Variants in MAPK8IP3 observed in about 807,000 individuals in gnomAD.
MAPK8IP3 encodes C-Jun-amino-terminal kinase-interacting protein 3.
In MAPK8IP3, 49 loss-of-function variants were observed where a neutral mutation model predicts 157.8. The ratio of observed to expected loss-of-function variants is 0.31; its 90% CI spans 0.25 to 0.39. MAPK8IP3 has a LOEUF of 0.39. Ranked by LOEUF, MAPK8IP3 falls within the 10% of genes least tolerant of loss-of-function variation. MAPK8IP3 has a pLI of 1.00. For missense variants in MAPK8IP3, 1,478 were observed against 1,889.4 expected (o/e 0.78, Z 4.04); for synonymous variants, 897 against 777.7 (o/e 1.15, Z -2.55).
intron 4 of MAPK8IP3, among the ~76,000 whole-genome samples, chr16:1,730,044 CAAAAA>C (rs58933347): frequency 8.1e-4 from 38 of 46,980 alleles, no homozygotes; most frequent in African/African-American, 2.0e-3. Context: ...CTTGTCTCTA[CAAAAA>C]AAAAAAAAAA....
chr16:1,724,377 G>A lies in MAPK8IP3; in HGVS notation c.319-180G>A, dbSNP rs2038730030. ...CTCATGGCTCCTCACTGTGCCTGAG[G>A]AGGGTGGTGGCCACAGCCACGTGGC... On this transcript the variant is annotated intron_variant, in intron 1 of 31. Coordinates refer to ENST00000610761, the MANE Select transcript of MAPK8IP3 (RefSeq NM_001318852.2). The surrounding 1 kb of genome is among the most constrained non-coding windows in gnomAD (Gnocchi z 4.1). Among the ~76,000 whole-genome samples, 1 of 152,256 alleles carries A rather than the reference G, an allele frequency of 6.6e-6. No homozygotes were observed. Among genetic ancestry groups the A allele is most frequent in the African/African-American group, 2.4e-5 (1 of 41,476 alleles).
intron 8 of MAPK8IP3, among the ~76,000 whole-genome samples, chr16:1,749,274 C>G (rs150074348): frequency 5.3e-5 from 8 of 152,196 alleles, no homozygotes; most frequent in Non-Finnish European, 1.2e-4. Flanking sequence ...TAGAATGTTC[C>G]GCCATCCCTA....
rs377209297 is a variant in MAPK8IP3, at chr16:1,742,888, C to T, written c.603-444C>T. 7.2e-5 allele frequency among the ~76,000 whole-genome samples: 11 copies of T among 151,904 alleles called. No homozygotes were observed. Among genetic ancestry groups the T allele is most frequent in the African/African-American group, 1.2e-4 (5 of 41,332 alleles). On this transcript the variant is annotated intron_variant, in intron 4 of 31. Coordinates refer to ENST00000610761, the MANE Select transcript of MAPK8IP3 (RefSeq NM_001318852.2). This position sits in a 1 kb window ranked among gnomAD's most constrained non-coding sequence, Gnocchi z 5.0. ...CTGTAATCCCAGCACTGTGGGAGGCCGAGGCAGGCGGATCATCAGGTCAGG... is the reference window on the plus strand; with the variant it reads ...CTGTAATCCCAGCACTGTGGGAGGCTGAGGCAGGCGGATCATCAGGTCAGG...
At chr16:1,730,574 C>G (rs188160910) in intron 4 of MAPK8IP3, among the ~76,000 whole-genome samples, 1 of 151,644 alleles carries the variant, frequency 6.6e-6, no homozygotes, top group Non-Finnish European at 1.5e-5. Context: ...CCCATCTCTA[C>G]GAAACACTCC....
At chr16:1,739,260 CTG>C (rs1567172228) in intron 4 of MAPK8IP3, among the ~76,000 whole-genome samples, 11 of 93,570 alleles carry the variant, frequency 1.2e-4, no homozygotes, top group African/African-American at 5.1e-4. Flanking sequence ...ATGTGAGCAT[CTG>C]TGTGACCGTC....
chr16:1,724,899 CT>C lies in MAPK8IP3; in HGVS notation c.439+226del, dbSNP rs1343980264. Among the ~76,000 whole-genome samples the C allele has an allele frequency of 6.6e-6, 1 of 152,354 alleles. No individual in the cohort carries two copies. Among genetic ancestry groups the C allele is most frequent in the South Asian group, 2.1e-4 (1 of 4,828 alleles). The stretch of plus-strand genomic sequence containing the variant: ...ATCAGGCCACTGTGGCCCCATAGCA[CT>C]TTTGCTTCAGAGTGAATTCTGACCC... On this transcript the variant is annotated intron_variant, in intron 2 of 31. Transcript: ENST00000610761. The surrounding 1 kb of genome is among the most constrained non-coding windows in gnomAD (Gnocchi z 4.1).
chr16:1,711,227 G>A (rs1023807764), intron 1 of MAPK8IP3, among the ~76,000 whole-genome samples: 2 of 152,202 alleles, frequency 1.3e-5, no homozygotes, highest in Admixed American at 6.5e-5. Flanking sequence ...GTCTTCCCAC[G>A]CTGCTTTCTC....
At chr16:1,755,143 TACGAGCTC>T (rs1392143954) in intron 8 of MAPK8IP3, among the ~76,000 whole-genome samples, 17 of 152,304 alleles carry the variant, frequency 1.1e-4, no homozygotes, top group African/African-American at 3.1e-4. Flanking sequence ...AAACCTGTGA[TACGAGCTC>T]ATGAGCTCAG....
At chr16:1,752,506 G>T in intron 8 of MAPK8IP3, 1 of 362,568 alleles carries the variant, frequency 2.8e-6, no homozygotes, top group Non-Finnish European at 5.5e-6. Context: ...GCTTTGGGAG[G>T]CCAGGGCAGG....
intron 3 of MAPK8IP3, 120 bp from the exon 4 acceptor site, chr16:1,729,367 C>G: frequency 8.0e-7 from 1 of 1,252,580 alleles, no homozygotes; most frequent in Non-Finnish European, 1.1e-6. Context: ...GGTTAGATTC[C>G]CCTCCAGGAC....
chr16:1,767,983 G>A (rs2042374611), intron 28 of MAPK8IP3, 65 bp downstream of exon 28: 2 of 1,608,044 alleles, frequency 1.2e-6, no homozygotes, highest in Non-Finnish European at 1.7e-6. Context: ...TTCACGGGGT[G>A]GCTCTGCAGG....
In MAPK8IP3 at chr16:1,706,516, GGT is replaced by G; in HGVS notation, c.179_180del (p.Val60GlufsTer37). 1 of 1,614,112 alleles carries G rather than the reference GGT, an allele frequency of 6.2e-7. No individual in the cohort carries two copies. Among genetic ancestry groups the G allele is most frequent in the Non-Finnish European group, 8.5e-7 (1 of 1,180,002 alleles). ...TGGTCAAGGAGCTCATGCCGCTGGT[GGT>G]GAACGTGCTGGAGAACCTAGACTCG... ...EVVKELMPLV[V>X]NVLENLDSVL... On this transcript the variant is annotated frameshift_variant, in exon 1 of 32. Transcript: ENST00000610761. LOFTEE classifies it high-confidence loss of function. This position sits in a 1 kb window ranked among gnomAD's most constrained non-coding sequence, Gnocchi z 5.1.
At chr16:1,737,499 C>T (rs1294293459) in intron 4 of MAPK8IP3, among the ~76,000 whole-genome samples, 2 of 82,056 alleles carry the variant, frequency 2.4e-5, no homozygotes, top group Admixed American at 1.5e-4. Flanking sequence ...TGTGAGCGTC[C>T]GTGTGAGCGT....
intron 24 of MAPK8IP3, 30 bp from the exon 25 acceptor site, chr16:1,766,874 C>G (rs1730154543): frequency 6.2e-7 from 1 of 1,609,258 alleles, no homozygotes; most frequent in Non-Finnish European, 8.5e-7. Flanking sequence ...CAGCCTGGCC[C>G]AAACCAGGCT....
chr16:1,718,532 G>A (rs968696617), intron 1 of MAPK8IP3, among the ~76,000 whole-genome samples: 6 of 151,692 alleles, frequency 4.0e-5, no homozygotes, highest in South Asian at 4.2e-4. Context: ...GGTGGCTCTC[G>A]CCTGTAATAC....
chr16:1,733,657 G>A (rs1000659364), intron 4 of MAPK8IP3, among the ~76,000 whole-genome samples: 4 of 152,208 alleles, frequency 2.6e-5, no homozygotes, highest in African/African-American at 4.8e-5. Context: ...TCCTGGCGCC[G>A]AGAGTTCAGT....
chr16:1,726,340 A>C (rs1194801953), intron 2 of MAPK8IP3, among the ~76,000 whole-genome samples: 2 of 152,192 alleles, frequency 1.3e-5, no homozygotes, highest in African/African-American at 4.8e-5. Flanking sequence ...TGTGTGAAAC[A>C]TTCTCAGCTC....
rs2038710616 is a variant in MAPK8IP3, at chr16:1,724,112, A to C, written c.319-445A>C. On this transcript the variant is annotated intron_variant, in intron 1 of 31. Transcript: ENST00000610761. The surrounding 1 kb of genome is among the most constrained non-coding windows in gnomAD (Gnocchi z 4.1). The stretch of plus-strand genomic sequence containing the variant: ...TGCAAACAGGACTGGCTGTGTGCTC[A>C]TGGATCCCAGTGTAAAAATGGAAAC... 6.6e-6 allele frequency among the ~76,000 whole-genome samples: 1 copy of C among 152,218 alleles called. No individual in the cohort carries two copies.
chr16:1,730,352 C>G (rs539486922), intron 4 of MAPK8IP3, among the ~76,000 whole-genome samples: 16 of 152,200 alleles, frequency 1.1e-4, no homozygotes, highest in Non-Finnish European at 1.2e-4. Flanking sequence ...GCCTGTAATC[C>G]CAGCACTTTG....
Sources: allele counts gnomAD v4.1 joint callset (sites outside exome capture counted in the v4.1 genomes callset), GRCh38; gene constraint gnomAD v4.1.1; non-coding constraint Gnocchi (gnomAD v3.1); transcripts MANE v1.5; gene names NCBI Gene and HGNC (gene_info 2026-07-23, HGNC 2026-07-21).